The following KIF1B variants were observed in gnomAD, a reference collection of about 807,000 sequenced individuals.
The protein encoded by KIF1B is kinesin family member 1B, also known as kinesin-like protein KIF1B.
A neutral mutation model predicts 241.9 loss-of-function variants in KIF1B; 76 were observed. The ratio of observed to expected loss-of-function variants is 0.31; its 90% confidence interval spans 0.26 to 0.38. The LOEUF (loss-of-function observed/expected upper bound fraction) is 0.38. Among genes scored for constraint, KIF1B ranks in the 10% least tolerant of loss-of-function variants. The pLI is 1.00. For synonymous variants in KIF1B, 750 were observed against 796.7 expected (o/e 0.94, Z 0.99); for missense variants, 1,622 against 2,271.4 (o/e 0.71, Z 5.81).
At chr1:10,264,687 A>G (rs1648348101) in intron 5 of KIF1B, among the ~76,000 whole-genome samples, 1 of 151,942 alleles carries the variant, frequency 6.6e-6, no homozygotes, top group African/African-American at 2.4e-5. Context: ...TTGGAGACAG[A>G]GTCTCACTCT....
intron 14 of KIF1B, among the ~76,000 whole-genome samples, chr1:10,279,689 CTTTTTTTTTTTT>C (rs34983973): frequency 1.2e-4 from 8 of 67,624 alleles, no homozygotes; most frequent in African/African-American, 3.8e-4. Context: ...ACGTTTTTTC[CTTTTTTTTTTTT>C]TTTTTTTTTT....
chr1:10,357,392 C>T (rs1388329180), intron 38 of KIF1B, among the ~76,000 whole-genome samples: 1 of 152,134 alleles, frequency 6.6e-6, no homozygotes, highest in Non-Finnish European at 1.5e-5. Context: ...CTATTGCCAG[C>T]TTGATTAAAT....
chr1:10,215,442 C>T (rs1375703106), intron 1 of KIF1B, among the ~76,000 whole-genome samples: 1 of 151,656 alleles, frequency 6.6e-6, no homozygotes, highest in East Asian at 1.9e-4. Flanking sequence ...TCCCAAAGTG[C>T]TGGGATTACA....
chr1:10,255,901 G>A (rs565477278), intron 2 of KIF1B, among the ~76,000 whole-genome samples: 1 of 151,402 alleles, frequency 6.6e-6, no homozygotes, highest in Non-Finnish European at 1.5e-5. Context: ...GCCATCCTCC[G>A]ACCTCAGCTT....
chr1:10,306,757 T>TTAAA, intron 22 of KIF1B: 3 of 566,512 alleles, frequency 5.3e-6, no homozygotes, highest in Non-Finnish European at 6.1e-6. Flanking sequence ...AACCTGTCTT[T>TTAAA]AAAAAAAAAA....
Position 10,360,984 on chromosome 1 carries a change from C to G in KIF1B, c.4111C>G (p.Leu1371Val). The G allele has an allele frequency of 6.2e-7, 1 of 1,614,138 alleles. No individual in the cohort carries two copies. Among genetic ancestry groups the G allele is most frequent in the Non-Finnish European group, 8.5e-7 (1 of 1,180,018 alleles). Residue 1371 changes from leucine to valine, a missense_variant, in exon 39 of 49, where the codon CTG (leucine) becomes GTG (valine). Coordinates refer to ENST00000676179, the MANE Select transcript of KIF1B (RefSeq NM_001365951.3). ...TAGCTCTCTGCATAACTCCCTTCTT[C>G]TGAACCGAGTGACACCCTATGGAGA... ...WDSSLHNSLL[L>V]NRVTPYGEKI...
At chr1:10,240,360 C>T (rs548523788) in intron 2 of KIF1B, among the ~76,000 whole-genome samples, 69 of 152,220 alleles carry the variant, frequency 4.5e-4, no homozygotes, top group African/African-American at 1.6e-3. Flanking sequence ...AGGTGGGTGC[C>T]ACCATACCTG....
At chr1:10,294,665 C>T (rs1424372559) in intron 17 of KIF1B, among the ~76,000 whole-genome samples, 3 of 152,038 alleles carry the variant, frequency 2.0e-5, no homozygotes, top group South Asian at 2.1e-4. Flanking sequence ...GTCAGTAGTT[C>T]GAGACCAGCC....
chr1:10,219,180 G>A (rs1343072988), intron 1 of KIF1B, among the ~76,000 whole-genome samples: 1 of 152,172 alleles, frequency 6.6e-6, no homozygotes, highest in African/African-American at 2.4e-5. Context: ...AGATACGTAC[G>A]GCCGGGCGCG....
In KIF1B at chr1:10,375,293, G is replaced by A. The variant is rs969957161; in HGVS notation, c.5328G>A (p.Gly1776=). 4 of 1,613,962 alleles carry A rather than the reference G, an allele frequency of 2.5e-6. No individual in the cohort carries two copies. Among genetic ancestry groups the A allele is most frequent in the Middle Eastern group, 1.6e-4 (1 of 6,064 alleles). Residue 1776 remains glycine, a synonymous_variant, in exon 48 of 49, where the codon GGG becomes GGA. Transcript: ENST00000676179. ...TTGCTGTCTGCACAAAGCACCGTGG[G>A]GTCCTTTTGCAGGCCCTCAATGACA... ...NTFAVCTKHR[G]VLLQALNDKD...
intron 43 of KIF1B, 84 bp from the exon 44 acceptor site, chr1:10,368,383 G>C (rs761390420): frequency 5.3e-6 from 6 of 1,136,936 alleles, no homozygotes; most frequent in Non-Finnish European, 8.0e-6. Context: ...CAGCCCTTCA[G>C]GAGCCTCCAC....
At chr1:10,223,108 C>T (rs1646865849) in intron 1 of KIF1B, among the ~76,000 whole-genome samples, 1 of 149,754 alleles carries the variant, frequency 6.7e-6, no homozygotes, top group Non-Finnish European at 1.5e-5. Flanking sequence ...AAAAATTAGC[C>T]AGGTGTGGTG....
chr1:10,282,819 AAGTTACAGTGT>A (rs749162972), intron 15 of KIF1B, among the ~76,000 whole-genome samples: 4 of 152,206 alleles, frequency 2.6e-5, no homozygotes, highest in Non-Finnish European at 5.9e-5. Context: ...ATAGTACATC[AAGTTACAGTGT>A]AATTGTTTTG....
chr1:10,211,765 T>C (rs1402259076), intron 1 of KIF1B: 1 of 151,972 alleles, frequency 6.6e-6, no homozygotes, highest in African/African-American at 2.4e-5. Flanking sequence ...ATTCCATTCT[T>C]GTTGGGGTGA....
intron 22 of KIF1B, among the ~76,000 whole-genome samples, chr1:10,313,713 G>C (rs1000971525): frequency 2.0e-5 from 3 of 150,338 alleles, no homozygotes; most frequent in Non-Finnish European, 4.4e-5. Context: ...ACCACACCCG[G>C]CTAATTTTTT....
chr1:10,305,664 A>T lies in KIF1B; in HGVS notation c.2115+8418A>T, dbSNP rs186271964. On this transcript the variant is annotated intron_variant, in intron 22 of 48. Transcript: ENST00000676179. ...CATAATAAACTATTCTTTGGTTAGC[A>T]TTAGTAATGCTTGTAGACACTCAAA... The T allele has an allele frequency of 6.3e-5, 67 of 1,057,218 alleles. No homozygotes were observed. The African/African-American group carries it at 1.0e-3, about 16-fold the overall frequency. The allele number at this position is 1,057,218 out of a possible 1,614,324, so 65.5% of individuals were successfully genotyped here.
chr1:10,248,726 T>C (rs560681942), intron 2 of KIF1B, among the ~76,000 whole-genome samples: 1 of 152,084 alleles, frequency 6.6e-6, no homozygotes, highest in African/African-American at 2.4e-5. Context: ...GAAGTGGTGG[T>C]TGAACCAGGG....
At chr1:10,363,089 G>T (rs966473420) in intron 40 of KIF1B, among the ~76,000 whole-genome samples, 194 bp from the exon 41 acceptor site, 3 of 152,190 alleles carry the variant, frequency 2.0e-5, no homozygotes, top group African/African-American at 7.2e-5. Flanking sequence ...ATTAAATTGA[G>T]ATGAAAGCGG....
At chr1:10,363,412 C>A in intron 41 of KIF1B, 68 bp downstream of exon 41, 1 of 1,355,254 alleles carries the variant, frequency 7.4e-7, no homozygotes, top group Non-Finnish European at 1.1e-6. Context: ...TGTATTTAGG[C>A]TGGGCACGGT....
Sources: allele counts gnomAD v4.1 joint callset (sites outside exome capture counted in the v4.1 genomes callset), GRCh38; gene constraint gnomAD v4.1.1; transcripts MANE v1.5; gene names NCBI Gene and HGNC (gene_info 2026-07-23, HGNC 2026-07-21).